Variants in DTNBP1 observed in about 807,000 individuals in gnomAD.
DTNBP1 encodes the protein dystrobrevin binding protein 1.
In DTNBP1, 35 loss-of-function variants were observed where a neutral mutation model predicts 42.8. That is an observed-to-expected ratio of 0.82 (90% CI 0.63 to 1.09). The LOEUF is 1.09. Ranked by LOEUF, DTNBP1 falls within the 50% of genes least tolerant of loss-of-function variation. DTNBP1 has a pLI of 0.00. For synonymous variants in DTNBP1, 171 were observed against 162.2 expected, an observed-to-expected ratio of 1.05 and a Z score of -0.41; for missense variants, 457 against 424.2, an observed-to-expected ratio of 1.08 and a Z score of -0.68.
intron 6 of DTNBP1, among the ~76,000 whole-genome samples, chr6:15,607,426 C>T (rs1758136786): frequency 6.6e-6 from 1 of 151,890 alleles, no homozygotes; most frequent in South Asian, 2.1e-4. Context: ...CTCAGCCTCC[C>T]AAGTAGCTGG....
chr6:15,606,812 T>TC (rs1337599734), intron 6 of DTNBP1, among the ~76,000 whole-genome samples: 1 of 152,174 alleles, frequency 6.6e-6, no homozygotes, highest in East Asian at 1.9e-4. Flanking sequence ...TTGCATAGCA[T>TC]CTTGTTAAAA....
At chr6:15,630,766 A>C (rs1003486494) in intron 4 of DTNBP1, among the ~76,000 whole-genome samples, 1 of 152,160 alleles carries the variant, frequency 6.6e-6, no homozygotes, top group East Asian at 1.9e-4. Context: ...AAATACAAAA[A>C]TTAGCTGGGC....
At chr6:15,537,876 T>C (rs73369575) in intron 7 of DTNBP1, among the ~76,000 whole-genome samples, 3,628 of 152,306 alleles carry the variant, frequency 0.024, 146 homozygotes, top group African/African-American at 0.082. Context: ...TATTTCTTTA[T>C]AGCTGTGTGA....
chr6:15,546,063 C>CTTT (rs34253215), intron 7 of DTNBP1: 25,504 of 305,444 alleles, frequency 0.083, 1,088 homozygotes, highest in African/African-American at 0.14. Context: ...ACCTCCAGTT[C>CTTT]TTTTTTTTTT....
chr6:15,646,977 C>T (rs538886469), intron 3 of DTNBP1, among the ~76,000 whole-genome samples: 1 of 151,854 alleles, frequency 6.6e-6, no homozygotes, highest in Non-Finnish European at 1.5e-5. Flanking sequence ...ATGACTAAGA[C>T]ATCAAAAACA....
intron 1 of DTNBP1, among the ~76,000 whole-genome samples, chr6:15,661,558 A>T (rs1157426610): frequency 1.3e-5 from 2 of 148,694 alleles, no homozygotes; most frequent in African/African-American, 5.0e-5. Context: ...AGCCAGGAGA[A>T]TCGCTTGAAT....
intron 4 of DTNBP1, among the ~76,000 whole-genome samples, chr6:15,632,241 T>C (rs559252663): frequency 1.3e-5 from 2 of 152,328 alleles, no homozygotes; most frequent in South Asian, 2.1e-4. Context: ...TTAAAAAAAG[T>C]TTTGACAAAA....
chr6:15,580,696 A>C, intron 7 of DTNBP1, among the ~76,000 whole-genome samples: 1 of 152,196 alleles, frequency 6.6e-6, no homozygotes, highest in East Asian at 1.9e-4. Flanking sequence ...TTTTTTTCCC[A>C]GAAGCTTTTT....
intron 7 of DTNBP1, among the ~76,000 whole-genome samples, chr6:15,567,823 T>A (rs1007151327): frequency 1.3e-5 from 2 of 152,180 alleles, no homozygotes; most frequent in Non-Finnish European, 2.9e-5. Flanking sequence ...AGTTGGATTA[T>A]TTCACCGACA....
At chr6:15,641,253 C>A (rs1238741862) in intron 3 of DTNBP1, among the ~76,000 whole-genome samples, 1 of 152,064 alleles carries the variant, frequency 6.6e-6, no homozygotes, top group Non-Finnish European at 1.5e-5. Flanking sequence ...AGATGGCTTA[C>A]TAGGAATATC....
At chr6:15,625,046 T>C (rs1759261112) in intron 5 of DTNBP1, among the ~76,000 whole-genome samples, 1 of 152,246 alleles carries the variant, frequency 6.6e-6, no homozygotes, top group African/African-American at 2.4e-5. Flanking sequence ...AAAAGCCTCA[T>C]GATTTTAAAA....
chr6:15,630,012 C>T (rs1260466209), intron 4 of DTNBP1, among the ~76,000 whole-genome samples: 1 of 152,072 alleles, frequency 6.6e-6, no homozygotes, highest in Non-Finnish European at 1.5e-5. Context: ...TTTTCCACCT[C>T]GAAGTAACTC....
At chr6:15,528,359 A>T (rs1185474507) in intron 8 of DTNBP1, among the ~76,000 whole-genome samples, 3 of 150,780 alleles carry the variant, frequency 2.0e-5, no homozygotes, top group Admixed American at 2.0e-4. Flanking sequence ...GCCTCTGCCC[A>T]CTAGATGCCA....
intron 5 of DTNBP1, among the ~76,000 whole-genome samples, chr6:15,618,422 G>A (rs1367120740): frequency 1.3e-5 from 2 of 151,770 alleles, no homozygotes; most frequent in Non-Finnish European, 2.9e-5. Context: ...TACCTACTGG[G>A]TACAACGTTC....
chr6:15,653,747 C>T (rs1761140086), intron 1 of DTNBP1, among the ~76,000 whole-genome samples: 1 of 152,204 alleles, frequency 6.6e-6, no homozygotes, highest in Non-Finnish European at 1.5e-5. Context: ...AACAAGTACT[C>T]ATTTGTAAAT....
At chr6:15,533,531 G>T in intron 7 of DTNBP1, 136 bp from the exon 8 acceptor site, 1 of 1,419,488 alleles carries the variant, frequency 7.0e-7, no homozygotes, top group Non-Finnish European at 9.9e-7. Flanking sequence ...TGCCCCGACT[G>T]CGTGTACAGC....
At chr6:15,635,859 C>T (rs1008759871) in intron 4 of DTNBP1, among the ~76,000 whole-genome samples, 1 of 152,148 alleles carries the variant, frequency 6.6e-6, no homozygotes, top group Non-Finnish European at 1.5e-5. Context: ...TTTGATAGTG[C>T]CTTCTTCCTT....
chr6:15,589,401 C>G (rs1315536613), intron 7 of DTNBP1, among the ~76,000 whole-genome samples: 2 of 152,316 alleles, frequency 1.3e-5, no homozygotes, highest in South Asian at 4.1e-4. Flanking sequence ...GGTACCTCAC[C>G]TGTACCATTC....
At chr6:15,533,972 G>A (rs75733655) in intron 7 of DTNBP1, among the ~76,000 whole-genome samples, 1,913 of 152,342 alleles carry the variant, frequency 0.013, 40 homozygotes, top group African/African-American at 0.042. Context: ...CCTTAAAAAG[G>A]AGGGATATTC....
Sources: allele counts gnomAD v4.1 joint callset (sites outside exome capture counted in the v4.1 genomes callset), GRCh38; gene constraint gnomAD v4.1.1; transcripts MANE v1.5; gene names NCBI Gene and HGNC (gene_info 2026-07-23, HGNC 2026-07-21).